ZNF841: variants seen among roughly 807,000 people sequenced by gnomAD.
The protein encoded by ZNF841 is zinc finger protein 841.
A neutral mutation model predicts 13.0 loss-of-function variants in ZNF841; 11 were observed. That is an observed-to-expected ratio of 0.85 (90% confidence interval 0.53 to 1.40). The LOEUF (loss-of-function observed/expected upper bound fraction) is 1.40. Among genes scored for constraint, ZNF841 ranks in the 40% most tolerant of loss-of-function variants. The pLI is 0.00. For missense variants in ZNF841, 1,068 were observed against 1,139.5 expected, an observed-to-expected ratio of 0.94 and a Z score of 0.90; for synonymous variants, 369 against 381.6, an observed-to-expected ratio of 0.97 and a Z score of 0.38.
At chr19:52,095,424 A>ACT (rs1430081556) in intron 1 of ZNF841, among the ~76,000 whole-genome samples, 151 bp downstream of exon 1, 1 of 152,000 alleles carries the variant, frequency 6.6e-6, no homozygotes, top group Admixed American at 6.6e-5. Flanking sequence ...CCGAATGAGG[A>ACT]CTCGACTTGG....
chr19:52,067,471 A>T lies in ZNF841; in HGVS notation c.411T>A (p.Asn137Lys). The T allele has an allele frequency of 6.4e-7, 1 of 1,558,084 alleles. No individual in the cohort carries two copies. The highest frequency in any genetic ancestry group is 8.7e-7 in the Non-Finnish European group (1 of 1,149,880). Reference protein sequence around the residue: ...ENFYFREIRKNLQEVDFQWKD... With the variant: ...ENFYFREIRKKLQEVDFQWKD... Reference sequence around the variant, plus strand: ...TCCATTGAAAGTCAACTTCCTGTAGATTTTTCCGGATTTCCCTGAAGTAAA... The same window carrying T: ...TCCATTGAAAGTCAACTTCCTGTAGTTTTTTCCGGATTTCCCTGAAGTAAA... The change falls in exon 7 of 7, where the codon AAT (asparagine) becomes AAA (lysine). Residue 137 changes from asparagine to lysine, a missense_variant. Transcript: ENST00000594440.
downstream of ZNF841, chr19:52,064,370 A>AC (rs2087467356): frequency 1.5e-5 from 2 of 132,856 alleles, no homozygotes; most frequent in Admixed American, 7.1e-5. Context: ...AAAAAAAAAA[A>AC]AAAAAAAAAA....
chr19:52,067,914 G>T (rs1977214124), intron 6 of ZNF841, among the ~76,000 whole-genome samples: 4 of 152,004 alleles, frequency 2.6e-5, no homozygotes, highest in Non-Finnish European at 5.9e-5. Flanking sequence ...GACCCCAAAT[G>T]ACACACCAAT....
At chr19:52,061,705 C>A (rs1215685495), downstream of ZNF841, among the ~76,000 whole-genome samples, 1 of 152,168 alleles carries the variant, frequency 6.6e-6, no homozygotes, top group East Asian at 1.9e-4. Flanking sequence ...CACCACCATG[C>A]CCATCTAATT....
intron 1 of ZNF841, among the ~76,000 whole-genome samples, chr19:52,094,478 C>T (rs2123407410): frequency 6.6e-6 from 1 of 152,198 alleles, no homozygotes; most frequent in South Asian, 2.1e-4. Flanking sequence ...CAATGCTCTG[C>T]AACTTACTTC....
intron 1 of ZNF841, chr19:52,094,229 C>T (rs2088599079): frequency 6.6e-6 from 1 of 152,146 alleles, no homozygotes; most frequent in South Asian, 2.1e-4. Context: ...ATAGAAAAAA[C>T]TTTGGTGATT....
chr19:52,062,393 A>G (rs1226909406), downstream of ZNF841, among the ~76,000 whole-genome samples: 2 of 152,184 alleles, frequency 1.3e-5, no homozygotes, highest in East Asian at 1.9e-4. Flanking sequence ...GCAACACTGT[A>G]TTTGTCAAAG....
rs145707442 is a variant in ZNF841, at chr19:52,091,971, G to A, written c.-144+1875C>T. On this transcript the variant is annotated intron_variant, in intron 2 of 6. Coordinates refer to ENST00000594440, the MANE Select transcript of ZNF841 (RefSeq NM_001136499.2). Reference sequence around the variant, plus strand: ...TCGAGACCAGCCTGGCCAACATGGTGAGACCCTGTCTCTACTAAAAAATTA... The same window carrying A: ...TCGAGACCAGCCTGGCCAACATGGTAAGACCCTGTCTCTACTAAAAAATTA... 1.8e-3 allele frequency among the ~76,000 whole-genome samples: 275 copies of A among 152,292 alleles called. 1 individual carries two copies. The highest frequency in any genetic ancestry group is 6.3e-3 in the African/African-American group (263 of 41,566).
At chr19:52,095,436 G>C (rs866910379) in intron 1 of ZNF841, 139 bp downstream of exon 1, 2 of 152,258 alleles carry the variant, frequency 1.3e-5, no homozygotes, top group African/African-American at 4.8e-5. Flanking sequence ...TCGACTTGGC[G>C]CGGGGCCCAA....
chr19:52,086,495 C>G (rs1010266062), intron 3 of ZNF841, among the ~76,000 whole-genome samples: 8 of 152,184 alleles, frequency 5.3e-5, no homozygotes, highest in African/African-American at 1.7e-4. Flanking sequence ...GCTTCCTGTG[C>G]AGCCTGCAGA....
rs771379327 is a variant in ZNF841, at chr19:52,067,408, G to C, written c.474C>G (p.Thr158=). The C allele has an allele frequency of 6.5e-7, 1 of 1,546,098 alleles. No individual in the cohort carries two copies. The highest frequency in any genetic ancestry group is 1.2e-5 in the South Asian group (1 of 82,602). Residue 158 remains threonine, a synonymous_variant, in exon 7 of 7, where the codon ACC becomes ACG. Transcript: ENST00000594440. Reference sequence around the variant, plus strand: ...TTTGACCAGTAAGATTGTTTTTATGGGTCATCGGCCCTTCTTTATAATTTA... The same window carrying C: ...TTTGACCAGTAAGATTGTTTTTATGCGTCATCGGCCCTTCTTTATAATTTA... ...GEINYKEGPM[T]HKNNLTGQRV...
At chr19:52,090,630 A>AGAAGGAAG (rs781211199) in intron 2 of ZNF841, among the ~76,000 whole-genome samples, 1,853 of 90,580 alleles carry the variant, frequency 0.02, 150 homozygotes, top group African/African-American at 0.079. Flanking sequence ...AAAGAAAGAA[A>AGAAGGAAG]GAAGGAAGGA....
intron 6 of ZNF841, among the ~76,000 whole-genome samples, chr19:52,069,926 G>A (rs897078009): frequency 8.5e-5 from 13 of 152,124 alleles, no homozygotes; most frequent in Non-Finnish European, 7.4e-5. Context: ...GTTGATACAC[G>A]TTATTAAACA....
chr19:52,093,267 A>G (rs1177028596), intron 2 of ZNF841, among the ~76,000 whole-genome samples: 1 of 152,246 alleles, frequency 6.6e-6, no homozygotes, highest in East Asian at 1.9e-4. Context: ...GTACATATAT[A>G]TAATGGAATA....
chr19:52,092,035 C>T (rs764231285), intron 2 of ZNF841, among the ~76,000 whole-genome samples: 22 of 151,050 alleles, frequency 1.5e-4, no homozygotes, highest in African/African-American at 4.4e-4. Flanking sequence ...CCAGCTACTA[C>T]GGGGGCTGAG....
chr19:52,093,701 G>C (rs1308504290), intron 2 of ZNF841, 145 bp downstream of exon 2: 1 of 152,132 alleles, frequency 6.6e-6, no homozygotes, highest in Non-Finnish European at 1.5e-5. Flanking sequence ...TATTTCTGGA[G>C]TTAGCAACTA....
At chr19:52,059,390 T>TATATATATATATATAC in the ZNF841 span, among the ~76,000 whole-genome samples, 326 of 96,174 alleles carry the variant, frequency 3.4e-3, 5 homozygotes, top group East Asian at 0.042. Flanking sequence ...TATATATATA[T>TATATATATATATATAC]ACACACACAC....
rs866269325 is a variant in ZNF841 at position 52,066,689 on chromosome 19, T to G, written c.1193A>C (p.Asp398Ala). ...LATHQTVHTGDKPYKCNECGK... is the reference protein window; with the variant it reads ...LATHQTVHTGAKPYKCNECGK... ...ACATTCATTACATTTGTAGGGTTTGTCTCCAGTATGAACTGTCTGATGAGT... is the reference window on the plus strand; with the variant it reads ...ACATTCATTACATTTGTAGGGTTTGGCTCCAGTATGAACTGTCTGATGAGT... Residue 398 changes from aspartate to alanine, a missense_variant, in exon 7 of 7, where the codon GAC becomes GCC. Transcript: ENST00000594440. The G allele has an allele frequency of 6.2e-7, 1 of 1,612,056 alleles. No homozygotes were observed. The highest frequency in any genetic ancestry group is 8.5e-7 in the Non-Finnish European group (1 of 1,178,892).
intron 6 of ZNF841, among the ~76,000 whole-genome samples, chr19:52,075,266 G>C (rs78659115): frequency 1.6e-3 from 250 of 152,282 alleles, no homozygotes; most frequent in African/African-American, 5.8e-3. Flanking sequence ...ACAAGACAGA[G>C]AAAAACACAG....
Sources: allele counts gnomAD v4.1 joint callset (sites outside exome capture counted in the v4.1 genomes callset), GRCh38; gene constraint gnomAD v4.1.1; transcripts MANE v1.5; gene names NCBI Gene and HGNC (gene_info 2026-07-23, HGNC 2026-07-21).